The following ITGB5 variants were observed in gnomAD, a reference collection of about 807,000 sequenced individuals.
ITGB5 encodes integrin beta-5.
ITGB5 carries 38 observed loss-of-function variants against 84.8 expected under a neutral mutation model. The ratio of observed to expected loss-of-function variants is 0.45; its 90% CI spans 0.35 to 0.59. The LOEUF (loss-of-function observed/expected upper bound fraction) is 0.59, where lower values mean the gene tolerates loss of function less well. ITGB5 is among the 20% of genes least tolerant of loss of function. The pLI is 0.01. For missense variants in ITGB5, 905 were observed against 1,034.5 expected, an observed-to-expected ratio of 0.87 and a Z score of 1.72; for synonymous variants, 393 against 414.4, an observed-to-expected ratio of 0.95 and a Z score of 0.63.
intron 11 of ITGB5, among the ~76,000 whole-genome samples, chr3:124,772,142 C>G (rs2063855005): frequency 6.6e-6 from 1 of 152,216 alleles, no homozygotes; most frequent in Admixed American, 6.5e-5. Context: ...GGGATGGCCA[C>G]AGCTATCTGG....
intron 10 of ITGB5, among the ~76,000 whole-genome samples, chr3:124,775,774 T>C (rs1438959209): frequency 6.6e-6 from 1 of 152,206 alleles, no homozygotes; most frequent in Admixed American, 6.5e-5. Context: ...CCAATGTGTG[T>C]GACCCACAAT....
chr3:124,871,520 A>C (rs1934051176), intron 2 of ITGB5, among the ~76,000 whole-genome samples: 1 of 152,062 alleles, frequency 6.6e-6, no homozygotes, highest in African/African-American at 2.4e-5. Flanking sequence ...ACGATAAAAC[A>C]AGGTATCAGT....
chr3:124,866,420 C>A (rs1015667228), intron 2 of ITGB5, among the ~76,000 whole-genome samples: 1 of 152,222 alleles, frequency 6.6e-6, no homozygotes, highest in Non-Finnish European at 1.5e-5. Flanking sequence ...TATTTGAGTG[C>A]CATCCTGCCT....
chr3:124,895,650 C>A (rs1446635974), intron 1 of ITGB5, among the ~76,000 whole-genome samples: 1 of 152,146 alleles, frequency 6.6e-6, no homozygotes, highest in East Asian at 1.9e-4. Flanking sequence ...ATGTTTGGGG[C>A]TGGGGTGGGG....
rs116725030 is a variant in ITGB5 at position 124,784,778 on chromosome 3, T to C, written c.1694-10866A>G. On this transcript the variant is annotated intron_variant, in intron 10 of 14. Coordinates refer to ENST00000296181, the MANE Select transcript of ITGB5 (RefSeq NM_002213.5). ...TTTGGCTTAACCTGCCCAATCCGCC[T>C]GGCAGGCACTTCTGGGGAAATGCCA... Among the ~76,000 whole-genome samples the C allele has an allele frequency of 1.5e-3, 228 of 152,358 alleles. 1 individual carries two copies. The highest frequency in any genetic ancestry group is 5.3e-3 in the African/African-American group (222 of 41,578).
chr3:124,899,810 T>C (rs1935181716), intron 1 of ITGB5, among the ~76,000 whole-genome samples: 1 of 117,514 alleles, frequency 8.5e-6, no homozygotes, highest in Non-Finnish European at 1.6e-5. Context: ...GCCATGATCA[T>C]GCCACTGCAC....
chr3:124,868,836 A>T (rs888027361), intron 2 of ITGB5, among the ~76,000 whole-genome samples: 4 of 152,000 alleles, frequency 2.6e-5, no homozygotes, highest in African/African-American at 9.7e-5. Flanking sequence ...AAAATGAAAA[A>T]AAAAGTAAAC....
At chr3:124,894,905 G>A (rs9864770) in intron 1 of ITGB5, among the ~76,000 whole-genome samples, 17,917 of 151,934 alleles carry the variant, frequency 0.12, 1,162 homozygotes, top group Admixed American at 0.17. Flanking sequence ...TAATACGAAC[G>A]ATAGCTGATG....
At chr3:124,888,981 T>G (rs1934933879), upstream of ITGB5, among the ~76,000 whole-genome samples, 1 of 152,238 alleles carries the variant, frequency 6.6e-6, no homozygotes, top group Non-Finnish European at 1.5e-5. Context: ...CAAGCTCCTT[T>G]ATAGTATTTG....
At chr3:124,848,133 C>G (rs2065101842) in intron 4 of ITGB5, among the ~76,000 whole-genome samples, 176 bp downstream of exon 4, 1 of 152,188 alleles carries the variant, frequency 6.6e-6, no homozygotes, top group Admixed American at 6.5e-5. Context: ...AGTTCACTCA[C>G]TTCTTCACAC....
intron 8 of ITGB5, among the ~76,000 whole-genome samples, chr3:124,810,279 T>C (rs527976202): frequency 2.0e-5 from 3 of 152,316 alleles, no homozygotes; most frequent in East Asian, 1.9e-4. Context: ...TCTATTTATA[T>C]GAAATTCAAA....
Position 124,796,272 on chromosome 3 carries a change from G to A in ITGB5, c.1693+116C>T. ...AGGCTTGCCCACTGTCTTCTCCAAG[G>A]AGAGCCATGGTAGTGACACTTTCTA... is the stretch of plus-strand genomic sequence containing the variant. On this transcript the variant is annotated intron_variant, in intron 10 of 14. Coordinates refer to ENST00000296181, the MANE Select transcript of ITGB5 (RefSeq NM_002213.5). The A allele has an allele frequency of 4.2e-6, 4 of 958,016 alleles. No homozygotes were observed. In the South Asian group the frequency reaches 4.7e-5, roughly 11 times the overall value. 59.3% of individuals were successfully genotyped at this position (958,016 alleles called of 1,614,324 possible). A position where few individuals can be genotyped will look rare whatever the true frequency, so the allele number is the denominator to read the frequency against.
chr3:124,852,718 T>C (rs953776113), intron 3 of ITGB5, among the ~76,000 whole-genome samples: 1 of 152,162 alleles, frequency 6.6e-6, no homozygotes, highest in South Asian at 2.1e-4. Context: ...GACACGGTCT[T>C]GTTCTGTCAC....
chr3:124,887,391 C>A (rs559665973), upstream of ITGB5: 182 of 159,850 alleles, frequency 1.1e-3, 3 homozygotes, highest in South Asian at 0.028. Context: ...CCCTTCCCTT[C>A]CTCCCTCCGG....
intron 10 of ITGB5, among the ~76,000 whole-genome samples, chr3:124,774,865 G>A (rs143043734): frequency 3.3e-4 from 50 of 152,330 alleles, no homozygotes; most frequent in African/African-American, 1.2e-3. Flanking sequence ...GGATGAATCC[G>A]CACAGTGACT....
intron 1 of ITGB5, among the ~76,000 whole-genome samples, chr3:124,900,626 A>C (rs1935196253): frequency 6.6e-6 from 1 of 152,174 alleles, no homozygotes; most frequent in Non-Finnish European, 1.5e-5. Flanking sequence ...TATGTTTTCC[A>C]GGGCTCTCCC....
At chr3:124,877,134 C>T (rs980838459) in intron 1 of ITGB5, among the ~76,000 whole-genome samples, 1 of 108,306 alleles carries the variant, frequency 9.2e-6, no homozygotes, top group Admixed American at 1.1e-4. Flanking sequence ...CCACACCTGG[C>T]TAATTTTTTT....
intron 10 of ITGB5, among the ~76,000 whole-genome samples, chr3:124,784,978 G>A (rs777455587): frequency 3.9e-5 from 6 of 152,222 alleles, no homozygotes; most frequent in Non-Finnish European, 7.3e-5. Context: ...GACGGAGGTG[G>A]TTTGGAATGT....
At chr3:124,802,239 C>T (rs372940291) in intron 9 of ITGB5, among the ~76,000 whole-genome samples, 9 of 152,326 alleles carry the variant, frequency 5.9e-5, no homozygotes, top group East Asian at 1.9e-4. Flanking sequence ...TTACTGAGTA[C>T]GAGTGGATGT....
Sources: allele counts gnomAD v4.1 joint callset (sites outside exome capture counted in the v4.1 genomes callset), GRCh38; gene constraint gnomAD v4.1.1; transcripts MANE v1.5; gene names NCBI Gene and HGNC (gene_info 2026-07-23, HGNC 2026-07-21).